Variants in ANKRD50 observed in about 807,000 individuals in gnomAD.
ANKRD50 encodes ankyrin repeat domain 50, also known as ankyrin repeat domain-containing protein 50.
ANKRD50 carries 40 observed loss-of-function variants against 112.0 expected under a neutral mutation model. That is an observed-to-expected ratio of 0.36 (90% CI 0.28 to 0.46). ANKRD50 has a LOEUF of 0.46. Among genes scored for constraint, ANKRD50 ranks in the 20% least tolerant of loss-of-function variants. ANKRD50 has a pLI of 1.00. For missense variants in ANKRD50, 1,487 were observed against 1,701.7 expected (o/e 0.87, Z 2.22); for synonymous variants, 613 against 619.1 (o/e 0.99, Z 0.15).
In ANKRD50 at chr4:124,710,176, G is replaced by A. The variant is rs974651953; in HGVS notation, c.336C>T (p.Phe112=). 9.9e-6 allele frequency: 16 copies of A among 1,614,162 alleles called. No individual in the cohort carries two copies. The highest frequency in any genetic ancestry group is 1.4e-5 in the Non-Finnish European group (16 of 1,180,040). ...GLHRQALAFH[F]CKAQDSDTLC... ...AAGTATCAGAGTCCTGGGCTTTGCAGAAATGAAAGGCCAAAGCTTGGCGAT... is the reference window on the plus strand; with the variant it reads ...AAGTATCAGAGTCCTGGGCTTTGCAAAAATGAAAGGCCAAAGCTTGGCGAT... The change falls in exon 2 of 5, where the codon TTC becomes TTT. Residue 112 remains phenylalanine (F), a synonymous_variant. Transcript: ENST00000504087.
intron 2 of ANKRD50, among the ~76,000 whole-genome samples, chr4:124,691,755 C>A (rs1725144440): frequency 6.6e-6 from 1 of 152,094 alleles, no homozygotes. Context: ...ATACACTTTT[C>A]TCTAGGAAAA....
At chr4:124,672,555 T>C in intron 3 of ANKRD50, 21 bp from the exon 4 acceptor site, 1 of 1,513,890 alleles carries the variant, frequency 6.6e-7, no homozygotes, top group Non-Finnish European at 8.9e-7. Flanking sequence ...GATAAAAAAG[T>C]AGATGTAATC....
intron 2 of ANKRD50, among the ~76,000 whole-genome samples, chr4:124,687,738 G>T (rs1725041587): frequency 6.6e-6 from 1 of 151,994 alleles, no homozygotes; most frequent in Admixed American, 6.6e-5. Context: ...AAGAGAGAAG[G>T]GCATCAAATA....
chr4:124,668,213 A>G (rs1730544350), intron 4 of ANKRD50, among the ~76,000 whole-genome samples: 1 of 151,800 alleles, frequency 6.6e-6, no homozygotes, highest in Non-Finnish European at 1.5e-5. Flanking sequence ...AGGAAGGAGA[A>G]AAAAAAATTT....
Position 124,670,220 on chromosome 4 carries a change from T to G in ANKRD50, c.3057A>C (p.Ala1019=), listed in dbSNP as rs1289178258. The G allele has an allele frequency of 1.2e-6, 2 of 1,613,716 alleles. No homozygotes were observed. Among genetic ancestry groups the G allele is most frequent in the Non-Finnish European group, 1.7e-6 (2 of 1,179,836 alleles). Residue 1019 remains alanine, a synonymous_variant, in exon 4 of 5, where the codon GCA becomes GCC. Coordinates refer to ENST00000504087, the MANE Select transcript of ANKRD50 (RefSeq NM_020337.3). ...DNEKRSALQS[A]AWQGHVKVVQ... ...CCACTTTTACATGGCCCTGCCAGGC[T>G]GCAGACTGCAAAGCAGAGCGCTTTT...
rs145805142 is a variant in ANKRD50 at position 124,670,240 on chromosome 4, G to A, written c.3037C>T (p.Arg1013Cys). 3.2e-5 allele frequency: 51 copies of A among 1,613,712 alleles called. 1 individual carries two copies. Among genetic ancestry groups the A allele is most frequent in the Non-Finnish European group, 3.9e-5 (46 of 1,179,892 alleles). Reference protein sequence around the residue: ...ADVNAADNEKRSALQSAAWQG... With the variant: ...ADVNAADNEKCSALQSAAWQG... Reference sequence around the variant, plus strand: ...CAGGCTGCAGACTGCAAAGCAGAGCGCTTTTCATTGTCTGCAGCATTGACG... The same window carrying A: ...CAGGCTGCAGACTGCAAAGCAGAGCACTTTTCATTGTCTGCAGCATTGACG... Residue 1013 changes from arginine to cysteine, a missense_variant, in exon 4 of 5, where the codon CGC becomes TGC. By Grantham distance (180) the Arg-to-Cys change is radical. Around this residue, in one of 2 missense-constraint regions of ANKRD50, gnomAD observed 1,046 missense variants for 1,269.5 expected, o/e 0.82. Coordinates refer to ENST00000504087, the MANE Select transcript of ANKRD50 (RefSeq NM_020337.3).
intron 2 of ANKRD50, among the ~76,000 whole-genome samples, chr4:124,688,295 T>A (rs72680258): frequency 6.6e-6 from 1 of 152,188 alleles, no homozygotes; most frequent in African/African-American, 2.4e-5. Flanking sequence ...TGCATTTACA[T>A]GACACATGGA....
intron 2 of ANKRD50, among the ~76,000 whole-genome samples, chr4:124,700,885 C>T (rs1440573715): frequency 6.6e-6 from 1 of 152,160 alleles, no homozygotes; most frequent in Non-Finnish European, 1.5e-5. Flanking sequence ...CTTTAAGCTT[C>T]TGTTTGGGTC....
intron 2 of ANKRD50, among the ~76,000 whole-genome samples, chr4:124,696,156 A>G (rs1725247745): frequency 6.6e-6 from 1 of 152,096 alleles, no homozygotes; most frequent in African/African-American, 2.4e-5. Flanking sequence ...AAATAGATAA[A>G]GAATTATAAT....
At chr4:124,701,172 A>G (rs1725381565) in intron 2 of ANKRD50, among the ~76,000 whole-genome samples, 1 of 152,206 alleles carries the variant, frequency 6.6e-6, no homozygotes, top group Non-Finnish European at 1.5e-5. Flanking sequence ...CATGTTGGTC[A>G]GGCTGGTCTC....
intron 2 of ANKRD50, among the ~76,000 whole-genome samples, chr4:124,701,525 T>C (rs770579621): frequency 7.9e-5 from 12 of 151,750 alleles, no homozygotes; most frequent in African/African-American, 1.9e-4. Context: ...TTAGCTAAAA[T>C]GTGTATAGTA....
rs1323338242 is a variant in ANKRD50 at position 124,671,336 on chromosome 4, A to T, written c.1941T>A (p.Ala647=). ...VDCADADSRT[A]LRAAAWGGHE... ...GTCCTCCCCATGCTGCTGCTCTCAA[A>T]GCTGTTCGGCTATCAGCATCTGCAC... The change falls in exon 4 of 5, where the codon GCT becomes GCA. Residue 647 remains alanine, a synonymous_variant. Transcript: ENST00000504087. 6 of 1,613,730 alleles carry T rather than the reference A, an allele frequency of 3.7e-6. No homozygotes were observed. The highest frequency in any genetic ancestry group is 5.1e-6 in the Non-Finnish European group (6 of 1,179,864).
At chr4:124,699,430 A>G (rs1364767799) in intron 2 of ANKRD50, among the ~76,000 whole-genome samples, 6 of 152,060 alleles carry the variant, frequency 3.9e-5, no homozygotes, top group African/African-American at 1.4e-4. Context: ...AATTCCTGTG[A>G]CTTTGTGACC....
At chr4:124,675,302 G>A (rs571542906) in intron 3 of ANKRD50, among the ~76,000 whole-genome samples, 1 of 151,872 alleles carries the variant, frequency 6.6e-6, no homozygotes, top group African/African-American at 2.4e-5. Flanking sequence ...TGAAAGAGAA[G>A]ACCTGTGCCA....
intron 1 of ANKRD50, among the ~76,000 whole-genome samples, chr4:124,711,975 G>T (rs1229700533): frequency 6.6e-6 from 1 of 152,124 alleles, no homozygotes; most frequent in Non-Finnish European, 1.5e-5. Context: ...GTGGGTGTCT[G>T]CCCACAGGTC....
In ANKRD50 at chr4:124,679,036, T is replaced by C. The variant is rs959019765; in HGVS notation, c.513-131A>G. ...TAAGGTATTAGAACAAAAAATATTATACAAGTTTCAATTCCTTACTTTAAG... is the reference window on the plus strand; with the variant it reads ...TAAGGTATTAGAACAAAAAATATTACACAAGTTTCAATTCCTTACTTTAAG... On this transcript the variant is annotated intron_variant, in intron 2 of 4. Coordinates refer to ENST00000504087, the MANE Select transcript of ANKRD50 (RefSeq NM_020337.3). 1.1e-5 allele frequency: 8 copies of C among 698,176 alleles called. 1 individual carries two copies. Among genetic ancestry groups the C allele is most frequent in the African/African-American group, 7.3e-5 (4 of 55,078 alleles). The allele number at this position is 698,176 out of a possible 1,614,324, so 43.2% of individuals were successfully genotyped here.
At chr4:124,703,721 C>T (rs1466441919) in intron 2 of ANKRD50, among the ~76,000 whole-genome samples, 4 of 150,746 alleles carry the variant, frequency 2.7e-5, no homozygotes, top group Admixed American at 6.6e-5. Flanking sequence ...ATGAAATTTG[C>T]TGCATTGGGG....
At chr4:124,712,015 G>A (rs1725646360) in intron 1 of ANKRD50, among the ~76,000 whole-genome samples, 1 of 152,070 alleles carries the variant, frequency 6.6e-6, no homozygotes, top group Non-Finnish European at 1.5e-5. Context: ...ACAGACAAAA[G>A]GAACTCCGGG....
At chr4:124,684,920 C>T (rs1235737830) in intron 2 of ANKRD50, among the ~76,000 whole-genome samples, 1 of 152,138 alleles carries the variant, frequency 6.6e-6, no homozygotes, top group African/African-American at 2.4e-5. Flanking sequence ...CTATTTCTAA[C>T]ACTGAGCTTT....
Sources: gnomAD v4.1 joint callset for allele counts (sites outside exome capture counted in the v4.1 genomes callset) on GRCh38, gnomAD v4.1.1 for gene constraint, gnomAD v4.1.1 regional missense constraint, MANE v1.5 for transcripts, NCBI Gene and HGNC (gene_info 2026-07-23, HGNC 2026-07-21) for gene names.